Variants in RBFOX2 observed in about 807,000 individuals in gnomAD.
RBFOX2 encodes the protein RNA binding protein fox-1 homolog 2.
RBFOX2 carries 10 observed loss-of-function variants against 49.1 expected under a neutral mutation model. The observed-to-expected ratio is 0.20, with a 90% CI of 0.13 to 0.35. The LOEUF is 0.35. RBFOX2 is among the 10% of genes least tolerant of loss of function. The pLI, the probability that RBFOX2 is intolerant of heterozygous loss-of-function variation, is 1.00. For missense variants in RBFOX2, 323 were observed against 486.9 expected (o/e 0.66, Z 3.17); for synonymous variants, 183 against 187.4 (o/e 0.98, Z 0.19).
intron 1 of RBFOX2, among the ~76,000 whole-genome samples, chr22:35,853,768 C>A: frequency 6.6e-6 from 1 of 151,548 alleles, no homozygotes; most frequent in South Asian, 2.1e-4. Flanking sequence ...TTTTCGCTTA[C>A]TAATTTAGAG....
At chr22:35,738,850 T>C (rs925339095) in exon 12 of RBFOX2, 1 of 152,608 alleles carries the variant, frequency 6.6e-6, no homozygotes, top group Non-Finnish European at 1.5e-5. Context: ...CAATAATTTA[T>C]ACACATGGAG....
intron 1 of RBFOX2, among the ~76,000 whole-genome samples, chr22:36,011,912 C>G (rs1000020491): frequency 2.6e-5 from 4 of 152,158 alleles, no homozygotes; most frequent in South Asian, 4.1e-4. Flanking sequence ...GCCTGAGATA[C>G]ACTGTCTATA....
Position 35,746,362 on chromosome 22 carries a change from C to T in RBFOX2, c.976+111G>A. 4.0e-6 allele frequency: 4 copies of T among 1,009,760 alleles called. No individual in the cohort carries two copies. The South Asian group carries it at 6.5e-5, about 16-fold the overall frequency. The allele number at this position is 1,009,760 out of a possible 1,614,324, so 62.6% of individuals were successfully genotyped here. A position where few individuals can be genotyped will look rare whatever the true frequency, so the allele number is the denominator to read the frequency against. On this transcript the variant is annotated intron_variant, in intron 10 of 11. Transcript: ENST00000405409. The stretch of plus-strand genomic sequence containing the variant: ...GCAGAAAGCCCAGGCTGGCAAGATG[C>T]CCGATGTGCTAAGAGCTGCTGTGGA...
chr22:35,774,998 A>T (rs1306010653), intron 4 of RBFOX2, among the ~76,000 whole-genome samples: 1 of 152,236 alleles, frequency 6.6e-6, no homozygotes, highest in East Asian at 1.9e-4. Flanking sequence ...CACTCTGTTT[A>T]AAAGTTAGAG....
chr22:35,979,189 T>A (rs150726941), intron 1 of RBFOX2, among the ~76,000 whole-genome samples: 1 of 152,276 alleles, frequency 6.6e-6, no homozygotes, highest in South Asian at 2.1e-4. Flanking sequence ...TGGACCCAGA[T>A]CTAGACTCTT....
In RBFOX2 at chr22:35,831,422, G is replaced by A. The variant is rs374753010; in HGVS notation, c.27+8770C>T. 5.9e-5 allele frequency among the ~76,000 whole-genome samples: 9 copies of A among 151,960 alleles called. No homozygotes were observed. The East Asian group carries it at 1.5e-3, about 26-fold the overall frequency. ...CACTCCAGCCTGGGTGATAGTGAGA[G>A]ACTCTGTCTCAAAAAAAAAATAATA... On this transcript the variant is annotated intron_variant, in intron 1 of 11. Coordinates refer to ENST00000405409, the Ensembl canonical transcript of RBFOX2.
intron 1 of RBFOX2, among the ~76,000 whole-genome samples, chr22:35,917,578 C>G (rs1190471390): frequency 6.6e-6 from 1 of 152,112 alleles, no homozygotes; most frequent in African/African-American, 2.4e-5. Context: ...TGTAGCAGCA[C>G]ATATTTATTT....
chr22:35,877,564 T>C (rs973790756), intron 1 of RBFOX2, among the ~76,000 whole-genome samples: 1 of 152,202 alleles, frequency 6.6e-6, no homozygotes, highest in African/African-American at 2.4e-5. Flanking sequence ...ACATTTACTA[T>C]GCACCAAGAA....
chr22:35,776,650 T>C (rs1216217432), intron 4 of RBFOX2, among the ~76,000 whole-genome samples: 1 of 152,186 alleles, frequency 6.6e-6, no homozygotes, highest in Non-Finnish European at 1.5e-5. Flanking sequence ...TCCCTCAAAT[T>C]ACATGTTTAA....
chr22:36,013,430 G>A (rs900554880), intron 1 of RBFOX2, among the ~76,000 whole-genome samples: 3 of 151,972 alleles, frequency 2.0e-5, no homozygotes, highest in African/African-American at 7.3e-5. Flanking sequence ...ATACAGTATC[G>A]CTTTTTAATT....
At chr22:35,978,961 C>CAAGACAATAAT (rs2057330062) in intron 1 of RBFOX2, among the ~76,000 whole-genome samples, 2 of 152,078 alleles carry the variant, frequency 1.3e-5, no homozygotes, top group East Asian at 3.9e-4. Flanking sequence ...TACCTTTCCA[C>CAAGACAATAAT]AAGACAATAA....
chr22:35,756,235 T>C, intron 9 of RBFOX2, 91 bp from the exon 11 acceptor site: 1 of 1,199,356 alleles, frequency 8.3e-7, no homozygotes, highest in Non-Finnish European at 1.1e-6. Context: ...GCACATGCGC[T>C]CTACACAGGC....
At chr22:36,023,110 G>A (rs557884689) in intron 1 of RBFOX2, among the ~76,000 whole-genome samples, 2 of 152,086 alleles carry the variant, frequency 1.3e-5, no homozygotes, top group South Asian at 2.1e-4. Context: ...TTGAATGGTA[G>A]CACCATGCTT....
chr22:35,897,636 A>G, intron 1 of RBFOX2: 4 of 1,386,224 alleles, frequency 2.9e-6, no homozygotes, highest in Non-Finnish European at 4.1e-6. Context: ...CATTGGCATC[A>G]GGATCCTTAA....
rs559885702 is a variant in RBFOX2, at chr22:36,026,191, A to AGAGGTG, written c.186+2043_186+2048dup. ...TGAGGCAGGAGAATCCCTTGAACCC[A>AGAGGTG]GAGGTGGAGGTGGAGGTGGAGGTTG... On this transcript the variant is annotated intron_variant, in intron 1 of 13. Coordinates refer to the RBFOX2 transcript ENST00000438146. Among the ~76,000 whole-genome samples the AGAGGTG allele has an allele frequency of 3.1e-3, 464 of 151,582 alleles. 1 individual carries two copies. Among genetic ancestry groups the AGAGGTG allele is most frequent in the African/African-American group, 0.011 (438 of 41,304 alleles).
intron 2 of RBFOX2, among the ~76,000 whole-genome samples, chr22:35,795,944 A>G (rs1288912679): frequency 1.3e-5 from 2 of 152,218 alleles, no homozygotes; most frequent in South Asian, 2.1e-4. Context: ...TAAGCAAAAC[A>G]TCATGCTGTA....
intron 1 of RBFOX2, among the ~76,000 whole-genome samples, chr22:35,953,210 C>CAAAAAA (rs34387129): frequency 1.9e-3 from 42 of 22,176 alleles, no homozygotes; most frequent in East Asian, 0.01. Context: ...GACTCCATCT[C>CAAAAAA]AAAAAAAAAA....
chr22:35,914,163 TCCTTAAGTGA>T (rs1290460237), intron 1 of RBFOX2, among the ~76,000 whole-genome samples: 1 of 152,184 alleles, frequency 6.6e-6, no homozygotes, highest in East Asian at 1.9e-4. Context: ...AGATGGGCCT[TCCTTAAGTGA>T]CCTTGGGCAA....
At chr22:35,788,400 G>A (rs961263066) in intron 2 of RBFOX2, among the ~76,000 whole-genome samples, 5 of 151,116 alleles carry the variant, frequency 3.3e-5, no homozygotes, top group African/African-American at 9.7e-5. Flanking sequence ...CTTCCCCCCC[G>A]TCCCCCAATA....
Sources: allele counts gnomAD v4.1 joint callset (sites outside exome capture counted in the v4.1 genomes callset), GRCh38; gene constraint gnomAD v4.1.1; transcripts MANE v1.5; gene names NCBI Gene and HGNC (gene_info 2026-07-23, HGNC 2026-07-21).